The following SLC2A10 variants were observed in gnomAD, a reference collection of about 807,000 sequenced individuals.
SLC2A10 encodes solute carrier family 2 member 10, also known as solute carrier family 2, facilitated glucose transporter member 10.
In SLC2A10, 25 loss-of-function variants were observed where a neutral mutation model predicts 32.1. The observed-to-expected ratio is 0.78, with a 90% CI of 0.57 to 1.09. The LOEUF is 1.09. Among genes scored for constraint, SLC2A10 ranks in the 50% least tolerant of loss-of-function variants. The pLI is 0.00. For synonymous variants in SLC2A10, 332 were observed against 309.6 expected (o/e 1.07, Z -0.76); for missense variants, 673 against 686.5 (o/e 0.98, Z 0.22).
At chr20:46,717,730 T>A (rs750115777) in intron 1 of SLC2A10, among the ~76,000 whole-genome samples, 13 of 152,180 alleles carry the variant, frequency 8.5e-5, no homozygotes, top group Non-Finnish European at 1.9e-4. Flanking sequence ...TCTGAAATCA[T>A]CCAGCTGTAT....
At chr20:46,711,187 A>G (rs577007624) in intron 1 of SLC2A10, among the ~76,000 whole-genome samples, 1 of 152,314 alleles carries the variant, frequency 6.6e-6, no homozygotes, top group Non-Finnish European at 1.5e-5. Flanking sequence ...GTTTGCTCTG[A>G]GTCGTTCTGT....
chr20:46,713,380 G>T (rs6090544), intron 1 of SLC2A10, among the ~76,000 whole-genome samples: 2,223 of 152,068 alleles, frequency 0.015, 50 homozygotes, highest in African/African-American at 0.05. Context: ...ACCGAGAAGG[G>T]GATGTTTCAG....
intron 4 of SLC2A10, among the ~76,000 whole-genome samples, chr20:46,732,458 T>C (rs996746021): frequency 1.3e-5 from 2 of 152,134 alleles, no homozygotes; most frequent in African/African-American, 4.8e-5. Flanking sequence ...TACATTTTAA[T>C]GTATAGGAGA....
At position 46,733,846 on chromosome 20, in the gene SLC2A10, G is replaced by A. The variant is rs367978359; in HGVS notation, c.*12G>A. ...CTGCGGCCTCCTGAGGAATCCGTCT[G>A]CCTGGAAATTCTGGAACTGTGGCTT... On this transcript the variant is annotated 3_prime_UTR_variant, in exon 5 of 5. Transcript: ENST00000359271. 1.2e-6 allele frequency: 2 copies of A among 1,613,718 alleles called. No individual in the cohort carries two copies. The highest frequency in any genetic ancestry group is 1.7e-6 in the Non-Finnish European group (2 of 1,179,670).
At chr20:46,710,217 A>G in intron 1 of SLC2A10, 1 of 408,868 alleles carries the variant, frequency 2.4e-6, no homozygotes, top group African/African-American at 2.1e-5. Context: ...TTCTGCAGAG[A>G]GGGGACAGAG....
intron 1 of SLC2A10, among the ~76,000 whole-genome samples, chr20:46,718,518 A>G (rs1416778992): frequency 3.3e-5 from 5 of 152,008 alleles, no homozygotes; most frequent in Non-Finnish European, 4.4e-5. Flanking sequence ...GACTTAATTA[A>G]TTTACTCTCA....
At chr20:46,729,649 T>G (rs1201605609) in intron 4 of SLC2A10, among the ~76,000 whole-genome samples, 161 bp downstream of exon 4, 1 of 83,854 alleles carries the variant, frequency 1.2e-5, no homozygotes, top group Non-Finnish European at 2.6e-5. Context: ...TTTTTTTTTT[T>G]TTTTTTTTTT....
intron 1 of SLC2A10, among the ~76,000 whole-genome samples, chr20:46,717,570 G>A (rs550170168): frequency 1.3e-5 from 2 of 152,234 alleles, no homozygotes; most frequent in African/African-American, 4.8e-5. Flanking sequence ...ATTTTTAGTA[G>A]AGATGGGTTT....
upstream of SLC2A10, chr20:46,709,574 C>G: frequency 3.4e-6 from 3 of 885,746 alleles, no homozygotes; most frequent in South Asian, 4.4e-5. Flanking sequence ...CCTGGCTGGC[C>G]GACGTGGCGT....
At chr20:46,712,640 C>A in intron 1 of SLC2A10, among the ~76,000 whole-genome samples, 1 of 139,776 alleles carries the variant, frequency 7.2e-6, no homozygotes, top group African/African-American at 2.7e-5. Flanking sequence ...TTCTTTCTGT[C>A]TTCTTTCTTT....
Position 46,733,757 on chromosome 20 carries a change from T to A in SLC2A10, c.1549T>A (p.Phe517Ile). ...EIDQQFQKRR[F>I]TLSFGHRQNS... is the part of the protein sequence containing the mutation. ...TCCCACGCATTCTTTGTCTGACAGG[T>A]TCACCCTGAGCTTTGGCCACAGGCA... is the stretch of plus-strand genomic sequence containing the variant. The change falls in exon 5 of 5, where the codon TTC (phenylalanine) becomes ATC (isoleucine). Residue 517 changes from phenylalanine to isoleucine, a missense_variant and splice_region_variant. Physicochemically the swap from Phe to Ile is conservative, Grantham distance 21. Transcript: ENST00000359271. 4 of 1,613,976 alleles carry A rather than the reference T, an allele frequency of 2.5e-6. No individual in the cohort carries two copies. Among genetic ancestry groups the A allele is most frequent in the African/African-American group, 1.3e-5 (1 of 75,006 alleles).
At chr20:46,731,060 C>G (rs761516374) in intron 4 of SLC2A10, among the ~76,000 whole-genome samples, 16 of 152,214 alleles carry the variant, frequency 1.1e-4, no homozygotes, top group Non-Finnish European at 2.2e-4. Flanking sequence ...GCAGTTTCGG[C>G]AGGCGCCTCA....
chr20:46,729,233 G>A (rs777703053), intron 3 of SLC2A10, 120 bp from the exon 4 acceptor site: 10 of 1,250,798 alleles, frequency 8.0e-6, no homozygotes, highest in Middle Eastern at 2.7e-4. Flanking sequence ...ATTGACCAAC[G>A]GGAACATTTG....
chr20:46,733,638 G>T (rs1980409282), intron 4 of SLC2A10, 118 bp from the exon 5 acceptor site: 7 of 800,898 alleles, frequency 8.7e-6, no homozygotes, highest in East Asian at 2.4e-5. Flanking sequence ...GAGGCAGGAA[G>T]GGTCATGGTA....
chr20:46,730,401 C>T (rs3091822), intron 4 of SLC2A10, among the ~76,000 whole-genome samples: 56,974 of 151,908 alleles, frequency 0.38, 11,561 homozygotes, highest in East Asian at 0.6. Context: ...TTGAGAGGGC[C>T]AGGTTGACAC....
intron 4 of SLC2A10, among the ~76,000 whole-genome samples, chr20:46,731,105 G>T (rs1337433720): frequency 1.3e-5 from 2 of 152,174 alleles, no homozygotes; most frequent in Non-Finnish European, 2.9e-5. Context: ...AATCGATTTG[G>T]CTGCTTGAAG....
At chr20:46,710,450 G>T in intron 1 of SLC2A10, 1 of 161,536 alleles carries the variant, frequency 6.2e-6, no homozygotes, top group Non-Finnish European at 1.3e-5. Flanking sequence ...GTGGCATTCT[G>T]ATTGAGCAGC....
chr20:46,731,118 G>A (rs1405803151), intron 4 of SLC2A10, among the ~76,000 whole-genome samples: 1 of 152,172 alleles, frequency 6.6e-6, no homozygotes, highest in Non-Finnish European at 1.5e-5. Context: ...GCTTGAAGTC[G>A]TCCAAATGTC....
chr20:46,731,133 G>A (rs1471612614), intron 4 of SLC2A10, among the ~76,000 whole-genome samples: 1 of 152,204 alleles, frequency 6.6e-6, no homozygotes, highest in Non-Finnish European at 1.5e-5. Flanking sequence ...AATGTCGGTT[G>A]GGGGTCCAGG....
Sources: gnomAD v4.1 joint callset for allele counts (sites outside exome capture counted in the v4.1 genomes callset) on GRCh38, gnomAD v4.1.1 for gene constraint, MANE v1.5 for transcripts, NCBI Gene and HGNC (gene_info 2026-07-23, HGNC 2026-07-21) for gene names.